KIF13A: variants seen among roughly 807,000 people sequenced by gnomAD.
KIF13A encodes the protein kinesin-like protein KIF13A.
A neutral mutation model predicts 212.2 loss-of-function variants in KIF13A; 79 were observed. The observed-to-expected ratio is 0.37, with a 90% CI of 0.31 to 0.45. The LOEUF (loss-of-function observed/expected upper bound fraction) is 0.45. Among genes scored for constraint, KIF13A ranks in the 20% least tolerant of loss-of-function variants. KIF13A has a pLI of 1.00. For missense variants in KIF13A, 1,901 were observed against 2,209.0 expected (o/e 0.86, Z 2.79); for synonymous variants, 789 against 808.6 (o/e 0.98, Z 0.41).
chr6:17,986,886 C>T (rs986892874), intron 2 of KIF13A, among the ~76,000 whole-genome samples, 168 bp downstream of exon 2: 2 of 152,190 alleles, frequency 1.3e-5, no homozygotes, highest in East Asian at 3.9e-4. Context: ...AGAAGGGGGG[C>T]GAGGGAGGAG....
At chr6:17,986,927 G>A (rs945875195) in intron 2 of KIF13A, 127 bp downstream of exon 2, 3 of 633,952 alleles carry the variant, frequency 4.7e-6, no homozygotes, top group Middle Eastern at 2.6e-4. Context: ...GCTTCAAACA[G>A]GAGCCGGCGA....
rs375739333 is a variant in KIF13A at position 17,804,353 on chromosome 6, G to A, written c.2454+8C>T. On this transcript the variant is annotated splice_region_variant and intron_variant, in intron 20 of 38. Transcript: ENST00000259711. ...CACCATCGTTCTCCAAGGCTGGCCTGTGCTTACCTCCCCCTGCTGGCTGAT... is the reference window on the plus strand; with the variant it reads ...CACCATCGTTCTCCAAGGCTGGCCTATGCTTACCTCCCCCTGCTGGCTGAT... The A allele has an allele frequency of 2.6e-6, 4 of 1,532,424 alleles. No individual in the cohort carries two copies. The highest frequency in any genetic ancestry group is 2.5e-5 in the East Asian group (1 of 40,510). 94.9% of individuals were successfully genotyped at this position (1,532,424 alleles called of 1,614,324 possible).
Position 17,884,591 on chromosome 6 carries a change from TTC to T in KIF13A, c.160-11156_160-11155del, listed in dbSNP as rs1771373689. 2.0e-5 allele frequency among the ~76,000 whole-genome samples: 3 copies of T among 152,230 alleles called. No individual in the cohort carries two copies. The South Asian group carries it at 6.2e-4, about 32-fold the overall frequency. On this transcript the variant is annotated intron_variant, in intron 3 of 38. Transcript: ENST00000259711. ...GTGGGAGTTGCTACAGACTGTTTGGTTCTGTGTCAAAAATATCAATGCAAAAC... is the reference window on the plus strand; with the variant it reads ...GTGGGAGTTGCTACAGACTGTTTGGTTGTGTCAAAAATATCAATGCAAAAC...
chr6:17,952,147 CA>C (rs1178136838), intron 2 of KIF13A, among the ~76,000 whole-genome samples: 1 of 151,110 alleles, frequency 6.6e-6, no homozygotes, highest in African/African-American at 2.4e-5. Context: ...ACTAAAAATA[CA>C]AAAAAATTAG....
At chr6:17,875,456 CTT>C (rs758607280) in intron 3 of KIF13A, among the ~76,000 whole-genome samples, 27 of 137,060 alleles carry the variant, frequency 2.0e-4, no homozygotes, top group Admixed American at 3.7e-4. Flanking sequence ...TTTTCTTTTC[CTT>C]TTTTTTTTTT....
At chr6:17,916,643 G>A (rs74446777) in intron 2 of KIF13A, among the ~76,000 whole-genome samples, 4,252 of 152,286 alleles carry the variant, frequency 0.028, 79 homozygotes, top group Non-Finnish European at 0.044. Context: ...ACACCATTAT[G>A]ATGATGGAAT....
At chr6:17,906,129 A>G (rs1773476494) in intron 2 of KIF13A, among the ~76,000 whole-genome samples, 1 of 152,176 alleles carries the variant, frequency 6.6e-6, no homozygotes, top group Admixed American at 6.5e-5. Flanking sequence ...TAAAAAAGAG[A>G]GTCATCAGAT....
At position 17,918,146 on chromosome 6, in the gene KIF13A, A is replaced by G. The variant is rs1241443554; in HGVS notation, c.147-19966T>C. Among the ~76,000 whole-genome samples the G allele has an allele frequency of 6.6e-6, 1 of 152,026 alleles. No homozygotes were observed. Among genetic ancestry groups the G allele is most frequent in the Non-Finnish European group, 1.5e-5 (1 of 68,010 alleles). ...TGCTTGGTGTCATGGACCCCACACC[A>G]GGCACATGGTAAGCACCTGGCCTGG... On this transcript the variant is annotated intron_variant, in intron 2 of 38. Transcript: ENST00000259711. This position sits in a 1 kb window ranked among gnomAD's most constrained non-coding sequence, Gnocchi z 4.8.
At chr6:17,955,181 T>C (rs1025806471) in intron 2 of KIF13A, among the ~76,000 whole-genome samples, 1 of 152,194 alleles carries the variant, frequency 6.6e-6, no homozygotes, top group Non-Finnish European at 1.5e-5. Flanking sequence ...AATATGAGAA[T>C]TGATCTGGTC....
chr6:17,858,113 G>A (rs867711387), intron 4 of KIF13A, among the ~76,000 whole-genome samples: 182 of 135,032 alleles, frequency 1.3e-3, no homozygotes, highest in Non-Finnish European at 2.1e-3. Flanking sequence ...GTGTGTGTGT[G>A]CATGCACGCA....
At chr6:17,762,463 C>T (rs148803286), downstream of KIF13A, among the ~76,000 whole-genome samples, 976 of 152,252 alleles carry the variant, frequency 6.4e-3, 10 homozygotes, top group African/African-American at 0.022. Flanking sequence ...CCACCTGCCT[C>T]GGCCTTCCAA....
At position 17,982,876 on chromosome 6, in the gene KIF13A, A is replaced by C. The variant is rs1410671872; in HGVS notation, c.146+4178T>G. ...TAAGTCTTAATATGCTGATATTGAA[A>C]GATACCAAAGGGGGCCAGGCGTGGT... On this transcript the variant is annotated intron_variant, in intron 2 of 38. Coordinates refer to ENST00000259711, the MANE Select transcript of KIF13A (RefSeq NM_022113.6). This position sits in a 1 kb window ranked among gnomAD's most constrained non-coding sequence, Gnocchi z 5.1. Among the ~76,000 whole-genome samples the C allele has an allele frequency of 6.6e-6, 1 of 152,178 alleles. No homozygotes were observed. Among genetic ancestry groups the C allele is most frequent in the African/African-American group, 2.4e-5 (1 of 41,444 alleles).
intron 3 of KIF13A, among the ~76,000 whole-genome samples, chr6:17,875,604 A>G (rs1378251142): frequency 6.6e-6 from 1 of 151,684 alleles, no homozygotes; most frequent in Non-Finnish European, 1.5e-5. Context: ...ACAGGCACGC[A>G]CCACTATGCC....
rs1432173732 is a variant in KIF13A, at chr6:17,768,204, A to C, written c.4581+2910T>G. Among the ~76,000 whole-genome samples the C allele has an allele frequency of 6.6e-6, 1 of 152,210 alleles. No individual in the cohort carries two copies. The highest frequency in any genetic ancestry group is 2.4e-5 in the African/African-American group (1 of 41,450). ...CTCATTTCTCATCATAGCTTAAAGAAGAATAAACTAAGCACCTTCCTACAA... is the reference window on the plus strand; with the variant it reads ...CTCATTTCTCATCATAGCTTAAAGACGAATAAACTAAGCACCTTCCTACAA... On this transcript the variant is annotated intron_variant, in intron 38 of 38. Transcript: ENST00000259711. This position sits in a 1 kb window ranked among gnomAD's most constrained non-coding sequence, Gnocchi z 5.4.
rs1781634520 is a variant in KIF13A at position 17,987,102 on chromosome 6, T to A, written c.98A>T (p.Asn33Ile). 6.2e-7 allele frequency: 1 copy of A among 1,613,672 alleles called. No homozygotes were observed. Among genetic ancestry groups the A allele is most frequent in the Non-Finnish European group, 8.5e-7 (1 of 1,179,666 alleles). ...AGGAGGAGGGTGCAGGACCGTTTGA[T>A]TCCCTTCCATCTCCACCACGCACTT... ...NTKCVVEMEG[N>I]QTVLHPPPSN... is the part of the protein sequence containing the mutation. The change falls in exon 2 of 39, where the codon AAT becomes ATT. Residue 33 changes from asparagine to isoleucine, a missense_variant. By Grantham distance (149) the Asn-to-Ile change is moderately radical. This residue lies in a region of KIF13A where 506 missense variants were observed against 637.4 expected (regional missense o/e 0.79). Transcript: ENST00000259711. This position sits in a 1 kb window ranked among gnomAD's most constrained non-coding sequence, Gnocchi z 7.7.
At chr6:17,973,132 C>T (rs922093277) in intron 2 of KIF13A, among the ~76,000 whole-genome samples, 3 of 152,092 alleles carry the variant, frequency 2.0e-5, no homozygotes, top group Non-Finnish European at 4.4e-5. Flanking sequence ...AACACGATGC[C>T]CAAGGAAGTT....
intron 2 of KIF13A, among the ~76,000 whole-genome samples, chr6:17,920,824 A>C (rs1245952548): frequency 6.6e-6 from 1 of 150,746 alleles, no homozygotes; most frequent in Non-Finnish European, 1.5e-5. Flanking sequence ...CAGTGAGCCG[A>C]GATTGCACCA....
At chr6:17,844,560 C>T (rs1035322291) in intron 9 of KIF13A, among the ~76,000 whole-genome samples, 1 of 152,162 alleles carries the variant, frequency 6.6e-6, no homozygotes, top group Non-Finnish European at 1.5e-5. Flanking sequence ...ATTATTCTTT[C>T]TCAAAATAAC....
Position 17,826,032 on chromosome 6 carries a change from T to C in KIF13A, c.1619+6A>G, listed in dbSNP as rs1317736360. 2.5e-6 allele frequency: 4 copies of C among 1,613,190 alleles called. No individual in the cohort carries two copies. The highest frequency in any genetic ancestry group is 1.7e-5 in the Admixed American group (1 of 59,984). Reference sequence around the variant, plus strand: ...GAAAATATATTACAGAACACAAAGATGTTACCTAAAAAAGTGATTATTTCC... The same window carrying C: ...GAAAATATATTACAGAACACAAAGACGTTACCTAAAAAAGTGATTATTTCC... On this transcript the variant is annotated splice_donor_region_variant and intron_variant, in intron 15 of 38. Transcript: ENST00000259711. This position sits in a 1 kb window ranked among gnomAD's most constrained non-coding sequence, Gnocchi z 4.7.
Sources: allele counts gnomAD v4.1 joint callset (sites outside exome capture counted in the v4.1 genomes callset), GRCh38; gene constraint gnomAD v4.1.1; regional missense constraint gnomAD v4.1.1; non-coding constraint Gnocchi (gnomAD v3.1); transcripts MANE v1.5; gene names NCBI Gene and HGNC (gene_info 2026-07-23, HGNC 2026-07-21).